RIMS2: variants seen among roughly 807,000 people sequenced by gnomAD.
RIMS2 encodes regulating synaptic membrane exocytosis 2, also known as regulating synaptic membrane exocytosis protein 2.
In RIMS2, 59 loss-of-function variants were observed where a neutral mutation model predicts 174.4. The ratio of observed to expected loss-of-function variants is 0.34; its 90% CI spans 0.27 to 0.42. The LOEUF is 0.42. RIMS2 is among the 10% of genes least tolerant of loss of function. The probability of loss-of-function intolerance (pLI) is 1.00; values close to 1 mark genes in which losing one functional copy is unlikely to be tolerated. For missense variants in RIMS2, 1,620 were observed against 1,666.3 expected (o/e 0.97, Z 0.48); for synonymous variants, 606 against 572.5 (o/e 1.06, Z -0.84).
At chr8:103,551,413 A>C (rs1847842986) in intron 1 of RIMS2, among the ~76,000 whole-genome samples, 1 of 152,240 alleles carries the variant, frequency 6.6e-6, no homozygotes, top group East Asian at 1.9e-4. Flanking sequence ...TTCATTCTAA[A>C]AACTCTCAAT....
intron 19 of RIMS2, among the ~76,000 whole-genome samples, chr8:104,188,136 A>T (rs2098977855): frequency 2.6e-5 from 4 of 151,594 alleles, no homozygotes; most frequent in Non-Finnish European, 5.9e-5. Flanking sequence ...TTGGTACTAA[A>T]GGTATAGAGA....
At chr8:103,808,212 AT>A (rs1274174893) in intron 3 of RIMS2, among the ~76,000 whole-genome samples, 1 of 151,940 alleles carries the variant, frequency 6.6e-6, no homozygotes, top group East Asian at 1.9e-4. Flanking sequence ...TGATCATAAT[AT>A]TTTTCTTAAA....
At chr8:103,991,713 A>G (rs1180314076) in intron 17 of RIMS2, among the ~76,000 whole-genome samples, 1 of 152,200 alleles carries the variant, frequency 6.6e-6, no homozygotes, top group East Asian at 1.9e-4. Flanking sequence ...CTGGACTAGA[A>G]TAGTATTTTA....
At chr8:103,863,038 G>C (rs887404667) in intron 3 of RIMS2, among the ~76,000 whole-genome samples, 3 of 152,046 alleles carry the variant, frequency 2.0e-5, no homozygotes, top group African/African-American at 7.2e-5. Context: ...TCCTTATCTT[G>C]TTCTGCTTCT....
intron 1 of RIMS2, among the ~76,000 whole-genome samples, chr8:103,606,143 T>C (rs1227879906): frequency 6.9e-6 from 1 of 145,342 alleles, no homozygotes; most frequent in East Asian, 2.0e-4. Flanking sequence ...CATTTAGTGC[T>C]ATAAATTTCC....
At chr8:103,716,428 A>C (rs1218895746) in intron 2 of RIMS2, 108 bp downstream of exon 5, 2 of 151,970 alleles carry the variant, frequency 1.3e-5, no homozygotes, top group Non-Finnish European at 2.9e-5. Context: ...GTTTTGTTAT[A>C]GTTATGATGC....
chr8:103,535,457 C>T (rs1022887319), intron 1 of RIMS2, among the ~76,000 whole-genome samples: 6 of 152,154 alleles, frequency 3.9e-5, no homozygotes, highest in African/African-American at 7.2e-5. Flanking sequence ...AGTATATCTA[C>T]AGGATTTTAA....
intron 19 of RIMS2, among the ~76,000 whole-genome samples, chr8:104,063,050 G>A (rs13256899): frequency 1.0e-3 from 156 of 151,816 alleles, no homozygotes; most frequent in African/African-American, 3.5e-3. Flanking sequence ...TCAGTTAGAT[G>A]TATTAAAACT....
chr8:103,779,891 T>A (rs1023731538), intron 3 of RIMS2, among the ~76,000 whole-genome samples: 2 of 150,732 alleles, frequency 1.3e-5, no homozygotes, highest in Non-Finnish European at 3.0e-5. Flanking sequence ...ACCCTAAAAC[T>A]TAAGGTATAA....
chr8:103,756,390 G>GGTT (rs567212258), intron 2 of RIMS2, among the ~76,000 whole-genome samples: 107 of 112,454 alleles, frequency 9.5e-4, no homozygotes, highest in South Asian at 1.4e-3. Flanking sequence ...TGTTGTTTTT[G>GGTT]TTTTTTTTTT....
At chr8:103,941,703 A>G (rs932084448) in intron 13 of RIMS2, among the ~76,000 whole-genome samples, 1 of 152,130 alleles carries the variant, frequency 6.6e-6, no homozygotes, top group African/African-American at 2.4e-5. Context: ...TTTATATTAT[A>G]ATATGGTTCA....
chr8:104,101,804 G>C (rs370750791), intron 19 of RIMS2, among the ~76,000 whole-genome samples: 23 of 152,236 alleles, frequency 1.5e-4, no homozygotes, highest in African/African-American at 5.1e-4. Flanking sequence ...GCTAAATTTA[G>C]TTAGCAGTTT....
chr8:103,717,422 C>A (rs574136763), intron 2 of RIMS2, among the ~76,000 whole-genome samples: 1 of 151,972 alleles, frequency 6.6e-6, no homozygotes, highest in Non-Finnish European at 1.5e-5. Flanking sequence ...TGATCTGGGA[C>A]AGGTTCCCTA....
chr8:103,956,329 C>A (rs2087202886), intron 14 of RIMS2, among the ~76,000 whole-genome samples: 2 of 152,130 alleles, frequency 1.3e-5, no homozygotes, highest in South Asian at 2.1e-4. Context: ...CTGGAGGCAC[C>A]ACGCTACCTG....
intron 19 of RIMS2, among the ~76,000 whole-genome samples, chr8:104,115,833 A>T (rs1234085205): frequency 6.6e-6 from 1 of 152,284 alleles, no homozygotes; most frequent in East Asian, 1.9e-4. Context: ...CTAGTTATTG[A>T]CATGCAGCAG....
At chr8:103,981,392 A>G (rs1017007244) in intron 16 of RIMS2, among the ~76,000 whole-genome samples, 1 of 152,200 alleles carries the variant, frequency 6.6e-6, no homozygotes, top group African/African-American at 2.4e-5. Context: ...GGGCCAAGTC[A>G]CTTTGAATAC....
chr8:103,994,050 CAAAAAAA>C (rs536495624), intron 17 of RIMS2, among the ~76,000 whole-genome samples: 2 of 88,290 alleles, frequency 2.3e-5, no homozygotes, highest in African/African-American at 4.4e-5. Flanking sequence ...GACCCTGTCT[CAAAAAAA>C]AAAAAAAAAA....
At position 103,789,260 on chromosome 8, in the gene RIMS2, C is replaced by T. The variant is rs187429589; in HGVS notation, c.698+22723C>T. Among the ~76,000 whole-genome samples the T allele has an allele frequency of 6.2e-3, 941 of 152,034 alleles. 11 individuals are homozygous for T. Among genetic ancestry groups the T allele is most frequent in the African/African-American group, 0.021 (880 of 41,466 alleles). On this transcript the variant is annotated intron_variant, in intron 3 of 23. Transcript: ENST00000504942. ...GTCGCTCTCGCTGGGAGCTGTAGAC[C>T]GGAGCTGTTCCTATTCGGCCATCTT... is the stretch of plus-strand genomic sequence containing the variant.
chr8:103,664,150 A>C (rs535482370), intron 1 of RIMS2, among the ~76,000 whole-genome samples: 14 of 152,258 alleles, frequency 9.2e-5, no homozygotes, highest in African/African-American at 3.4e-4. Flanking sequence ...AAAGACTTCA[A>C]TGTAAGACCT....
Sources: allele counts gnomAD v4.1 joint callset (sites outside exome capture counted in the v4.1 genomes callset), GRCh38; gene constraint gnomAD v4.1.1; transcripts MANE v1.5; gene names NCBI Gene and HGNC (gene_info 2026-07-23, HGNC 2026-07-21).